Variants in CLIP2 observed in about 807,000 individuals in gnomAD.
The protein encoded by CLIP2 is CAP-Gly domain-containing linker protein 2.
Under a neutral mutation model 111.7 loss-of-function variants are expected in CLIP2, and 41 were observed. The ratio of observed to expected loss-of-function variants is 0.37; its 90% CI spans 0.29 to 0.48. CLIP2 has a LOEUF of 0.48. Among genes scored for constraint, CLIP2 ranks in the 20% least tolerant of loss-of-function variants. CLIP2 has a pLI of 0.99. For synonymous variants in CLIP2, 660 were observed against 644.2 expected (o/e 1.02, Z -0.37); for missense variants, 1,160 against 1,422.1 (o/e 0.82, Z 2.96).
intron 14 of CLIP2, 57 bp from the exon 15 acceptor site, chr7:74,400,313 G>T: frequency 1.4e-6 from 2 of 1,425,822 alleles, no homozygotes; most frequent in Non-Finnish European, 1.9e-6. Flanking sequence ...GAGTTGAGAC[G>T]CCCACCAACA....
chr7:74,386,750 C>A (rs943196586), intron 12 of CLIP2, 146 bp downstream of exon 12: 3 of 536,560 alleles, frequency 5.6e-6, no homozygotes, highest in African/African-American at 4.1e-5. Flanking sequence ...TGGCTGGTCG[C>A]GGTGGCTCGC....
At chr7:74,350,434 C>A (rs773897071) in intron 3 of CLIP2, among the ~76,000 whole-genome samples, 1 of 151,990 alleles carries the variant, frequency 6.6e-6, no homozygotes, top group Non-Finnish European at 1.5e-5. Flanking sequence ...TCTCAAAGTC[C>A]TGGCCTCAAG....
intron 2 of CLIP2, among the ~76,000 whole-genome samples, chr7:74,318,399 C>A (rs1182558822): frequency 6.6e-6 from 1 of 151,960 alleles, no homozygotes; most frequent in African/African-American, 2.4e-5. Flanking sequence ...CAATTTCTTA[C>A]CTATTCTCTG....
At chr7:74,329,040 G>A (rs1789200701) in intron 2 of CLIP2, among the ~76,000 whole-genome samples, 1 of 147,194 alleles carries the variant, frequency 6.8e-6, no homozygotes, top group African/African-American at 2.5e-5. Flanking sequence ...AGCCTCCCAA[G>A]TAACCGTTAG....
chr7:74,396,548 C>G (rs1358511747), intron 13 of CLIP2, among the ~76,000 whole-genome samples: 1 of 151,992 alleles, frequency 6.6e-6, no homozygotes, highest in Non-Finnish European at 1.5e-5. Context: ...TTTGAGACAG[C>G]CTTGCTCTGT....
chr7:74,315,649 C>T (rs2116497324), intron 1 of CLIP2, among the ~76,000 whole-genome samples: 1 of 151,298 alleles, frequency 6.6e-6, no homozygotes, highest in Admixed American at 6.6e-5. Context: ...CGGCTCACTG[C>T]AGCCTCCTCC....
At chr7:74,394,413 G>A (rs1259050299) in intron 13 of CLIP2, among the ~76,000 whole-genome samples, 1 of 152,006 alleles carries the variant, frequency 6.6e-6, no homozygotes, top group Non-Finnish European at 1.5e-5. Flanking sequence ...ACCATGCCGG[G>A]CTAATTTTGT....
At chr7:74,354,110 T>G (rs1196218833) in intron 4 of CLIP2, 106 bp downstream of exon 4, 59 of 1,345,716 alleles carry the variant, frequency 4.4e-5, no homozygotes, top group Non-Finnish European at 5.9e-5. Flanking sequence ...CAGCATGTAG[T>G]GTCAGACACC....
At chr7:74,380,626 A>T in intron 10 of CLIP2, 180 bp from the exon 11 acceptor site, 1 of 519,020 alleles carries the variant, frequency 1.9e-6, no homozygotes, top group Non-Finnish European at 3.4e-6. Flanking sequence ...CTCTGTTGTC[A>T]GGGAGGTCCG....
At chr7:74,347,934 C>CTT (rs1476707178) in intron 3 of CLIP2, among the ~76,000 whole-genome samples, 1 of 152,126 alleles carries the variant, frequency 6.6e-6, no homozygotes, top group African/African-American at 2.4e-5. Flanking sequence ...AATCCCAGCA[C>CTT]TTTGGGAGGC....
At chr7:74,308,621 C>A (rs1482114921) in intron 1 of CLIP2, among the ~76,000 whole-genome samples, 2 of 151,956 alleles carry the variant, frequency 1.3e-5, no homozygotes, top group African/African-American at 4.8e-5. Context: ...TCTCCTGCCT[C>A]CACCTCCCAA....
In CLIP2 at chr7:74,347,444, A is replaced by G. The variant is rs947186278; in HGVS notation, c.679-6436A>G. On this transcript the variant is annotated intron_variant, in intron 3 of 16. Transcript: ENST00000223398. ...CCACCACGCCTGGCTAATTTTTTGT[A>G]TTTTTAGTAGAGATGGGGTTTCACT... 2.0e-5 allele frequency among the ~76,000 whole-genome samples: 3 copies of G among 151,918 alleles called. No homozygotes were observed. In the East Asian group the frequency reaches 5.8e-4, roughly 30 times the overall value.
intron 2 of CLIP2, among the ~76,000 whole-genome samples, chr7:74,321,726 C>G (rs1382489560): frequency 6.6e-6 from 1 of 151,828 alleles, no homozygotes; most frequent in Non-Finnish European, 1.5e-5. Flanking sequence ...CCTTGGCCCC[C>G]CAAAGTGCTG....
At chr7:74,366,692 C>T (rs1029025854) in intron 8 of CLIP2, among the ~76,000 whole-genome samples, 1 of 152,088 alleles carries the variant, frequency 6.6e-6, no homozygotes, top group East Asian at 1.9e-4. Context: ...GCCTGGCCAA[C>T]GTGGTGAAAC....
intron 3 of CLIP2, among the ~76,000 whole-genome samples, chr7:74,347,418 G>A (rs1789827536): frequency 2.0e-5 from 3 of 152,176 alleles, no homozygotes; most frequent in South Asian, 2.1e-4. Flanking sequence ...ACAGGTGCCC[G>A]CCACCACGCC....
In CLIP2 at chr7:74,377,734, G is replaced by A. The variant is rs182217692; in HGVS notation, c.2421+912G>A. On this transcript the variant is annotated intron_variant, in intron 10 of 16. Transcript: ENST00000223398. ...CTGACAGAGAGTGCCCAAGACAACAGGAATTAATTCATAGGAGGGATGGCT... is the reference window on the plus strand; with the variant it reads ...CTGACAGAGAGTGCCCAAGACAACAAGAATTAATTCATAGGAGGGATGGCT... 1.7e-3 allele frequency among the ~76,000 whole-genome samples: 252 copies of A among 152,202 alleles called. 1 individual carries two copies. The highest frequency in any genetic ancestry group is 0.01 in the Middle Eastern group (3 of 294).
intron 1 of CLIP2, among the ~76,000 whole-genome samples, chr7:74,306,039 C>A (rs1440240601): frequency 6.6e-6 from 1 of 152,124 alleles, no homozygotes; most frequent in Non-Finnish European, 1.5e-5. Flanking sequence ...CTCTCTAGAT[C>A]CCCTGCTGCC....
chr7:74,373,005 AGCG>A lies in CLIP2; in HGVS notation c.1457_1459del (p.Arg486del), dbSNP rs1554312233. Reference sequence around the variant, plus strand: ...CTGCTACTGGAGAAGGCGCAGGCCGAGCGGCTGCTCCGAGAATTAGCGGACAAC... The same window carrying A: ...CTGCTACTGGAGAAGGCGCAGGCCGAGCTGCTCCGAGAATTAGCGGACAAC... On this transcript the variant is annotated inframe_deletion, in exon 9 of 17. Transcript: ENST00000223398. 1 of 1,593,224 alleles carries A rather than the reference AGCG, an allele frequency of 6.3e-7. No individual in the cohort carries two copies. The highest frequency in any genetic ancestry group is 2.3e-5 in the East Asian group (1 of 44,188).
chr7:74,395,224 A>G (rs1218026125), intron 13 of CLIP2, among the ~76,000 whole-genome samples: 3 of 151,340 alleles, frequency 2.0e-5, no homozygotes, highest in African/African-American at 7.3e-5. Context: ...CAGTGGCGCA[A>G]TCTTGGCTCA....
Sources: gnomAD v4.1 joint callset for allele counts (sites outside exome capture counted in the v4.1 genomes callset) on GRCh38, gnomAD v4.1.1 for gene constraint, MANE v1.5 for transcripts, NCBI Gene and HGNC (gene_info 2026-07-23, HGNC 2026-07-21) for gene names.